CCR3: variants seen among roughly 807,000 people sequenced by gnomAD.
The protein encoded by CCR3 is C-C chemokine receptor type 3.
For synonymous variants in CCR3, 203 were observed against 179.2 expected (o/e 1.13, Z -1.06); for missense variants, 419 against 437.5 (o/e 0.96, Z 0.38).
intron 1 of CCR3, among the ~76,000 whole-genome samples, chr3:46,254,374 G>A (rs1330885507): frequency 2.6e-5 from 4 of 152,144 alleles, no homozygotes; most frequent in African/African-American, 9.7e-5. Context: ...GAACAGTTTG[G>A]GAGTGAGGAG....
rs922162439 is a variant in CCR3 at position 46,226,194 on chromosome 3, T to G, written c.-68+15287T>G. Among the ~76,000 whole-genome samples, 5 of 152,296 alleles carry G rather than the reference T, an allele frequency of 3.3e-5. No homozygotes were observed. The East Asian group carries it at 7.7e-4, about 23-fold the overall frequency. ...ACTTTCCATATAAACTTAAGAATAA[T>G]AAGCTTACAAATGGCTATAAAAATT... On this transcript the variant is annotated intron_variant, in intron 2 of 3. Coordinates refer to the CCR3 transcript ENST00000357422.
At chr3:46,235,605 G>T (rs559745085) in intron 2 of CCR3, among the ~76,000 whole-genome samples, 1 of 152,322 alleles carries the variant, frequency 6.6e-6, no homozygotes, top group African/African-American at 2.4e-5. Context: ...TGTATAGAGT[G>T]CCCTTGACAT....
chr3:46,256,486 G>T (rs1316034752), intron 1 of CCR3, among the ~76,000 whole-genome samples: 1 of 151,954 alleles, frequency 6.6e-6, no homozygotes, highest in Non-Finnish European at 1.5e-5. Context: ...TAATTTAAAA[G>T]ACATTTATTT....
At chr3:46,230,245 C>T (rs1699946702) in intron 2 of CCR3, among the ~76,000 whole-genome samples, 1 of 152,088 alleles carries the variant, frequency 6.6e-6, no homozygotes. Flanking sequence ...AATGAAGTCA[C>T]AATATGCAAG....
At chr3:46,231,529 T>C (rs902410772) in intron 2 of CCR3, among the ~76,000 whole-genome samples, 3 of 152,242 alleles carry the variant, frequency 2.0e-5, no homozygotes, top group Non-Finnish European at 4.4e-5. Flanking sequence ...TTACAGAAGA[T>C]GAATAAGTCC....
At chr3:46,260,687 A>G (rs578216890) in intron 1 of CCR3, among the ~76,000 whole-genome samples, 1 of 152,358 alleles carries the variant, frequency 6.6e-6, no homozygotes, top group Admixed American at 6.5e-5. Flanking sequence ...AGTTCCTGTA[A>G]CACAAATAAC....
At chr3:46,229,141 T>A (rs1318093803) in intron 2 of CCR3, among the ~76,000 whole-genome samples, 1 of 152,142 alleles carries the variant, frequency 6.6e-6, no homozygotes, top group East Asian at 1.9e-4. Context: ...TAGATAGAAG[T>A]GATATGAGCG....
chr3:46,242,647 G>A (rs1186637568), intron 1 of CCR3, 109 bp downstream of exon 1: 1 of 151,990 alleles, frequency 6.6e-6, no homozygotes, highest in African/African-American at 2.4e-5. Flanking sequence ...GGAGAGGAAG[G>A]TACACAGCAA....
intron 2 of CCR3, among the ~76,000 whole-genome samples, chr3:46,213,393 C>T (rs1284473134): frequency 6.6e-6 from 1 of 152,226 alleles, no homozygotes; most frequent in African/African-American, 2.4e-5. Flanking sequence ...TAAGGCATAA[C>T]CTCAGAAGTC....
chr3:46,232,792 C>G (rs1272617561), intron 2 of CCR3, among the ~76,000 whole-genome samples: 1 of 152,234 alleles, frequency 6.6e-6, no homozygotes, highest in African/African-American at 2.4e-5. Flanking sequence ...CGTTCTCACT[C>G]CTGTCTCTTT....
intron 2 of CCR3, among the ~76,000 whole-genome samples, chr3:46,233,014 G>A (rs569022934): frequency 3.9e-5 from 6 of 152,228 alleles, no homozygotes; most frequent in South Asian, 2.1e-4. Flanking sequence ...TGTATTTTTC[G>A]TAGAGACGGG....
chr3:46,223,436 T>G (rs1358922557), intron 2 of CCR3, among the ~76,000 whole-genome samples: 1 of 152,228 alleles, frequency 6.6e-6, no homozygotes, highest in Non-Finnish European at 1.5e-5. Flanking sequence ...GTATTACATC[T>G]TTTCTCTCCA....
intron 2 of CCR3, among the ~76,000 whole-genome samples, chr3:46,216,660 C>T (rs1157963703): frequency 6.6e-6 from 1 of 152,140 alleles, no homozygotes; most frequent in Non-Finnish European, 1.5e-5. Context: ...GCAGAATTCT[C>T]AGCAGAAACC....
chr3:46,265,832 C>A lies in CCR3; in HGVS notation c.674C>A (p.Thr225Lys). 1 of 1,614,022 alleles carries A rather than the reference C, an allele frequency of 6.2e-7. No homozygotes were observed. The change falls in exon 2 of 2, where the codon ACG (threonine) becomes AAG (lysine). Residue 225 changes from threonine to lysine, a missense_variant. Physicochemically the swap from Thr to Lys is moderately conservative, Grantham distance 78. Coordinates refer to ENST00000395940, the MANE Select transcript of CCR3 (RefSeq NM_178329.3). ...MAICYTGIIK[T>K]LLRCPSKKKY... ...ATCTGCTACACAGGAATCATCAAAA[C>A]GCTGCTGAGGTGCCCCAGTAAAAAA... is the stretch of plus-strand genomic sequence containing the variant.
In CCR3 at chr3:46,254,627, C is replaced by T. The variant is rs1013876684; in HGVS notation, c.-11-10521C>T. Among the ~76,000 whole-genome samples, 6 of 145,486 alleles carry T rather than the reference C, an allele frequency of 4.1e-5. No individual in the cohort carries two copies. In the Admixed American group the frequency reaches 4.3e-4, roughly 10 times the overall value. On this transcript the variant is annotated intron_variant, in intron 1 of 1. Coordinates refer to ENST00000395940, the MANE Select transcript of CCR3 (RefSeq NM_178329.3). The stretch of plus-strand genomic sequence containing the variant: ...TGTACTCAATGTGTAGTCTTTTATC[C>T]CTCACTCCCCTCCCATCCTTTCCCC...
At chr3:46,239,589 A>G (rs1700058651), upstream of CCR3, among the ~76,000 whole-genome samples, 3 of 152,202 alleles carry the variant, frequency 2.0e-5, no homozygotes, top group South Asian at 6.2e-4. Flanking sequence ...TGGTGAGAAC[A>G]CAGAGTGCTA....
At chr3:46,242,434 T>C (rs939492460), upstream of CCR3, 1 of 152,362 alleles carries the variant, frequency 6.6e-6, no homozygotes, top group Non-Finnish European at 1.5e-5. Context: ...ACTGGACATA[T>C]CAAGGACTTC....
chr3:46,233,783 C>T lies in CCR3; in HGVS notation c.-67-8619C>T, dbSNP rs577415648. Among the ~76,000 whole-genome samples, 4 of 152,342 alleles carry T rather than the reference C, an allele frequency of 2.6e-5. No homozygotes were observed. The East Asian group carries it at 7.7e-4, about 29-fold the overall frequency. On this transcript the variant is annotated intron_variant, in intron 2 of 3. Coordinates refer to the CCR3 transcript ENST00000357422. Reference sequence around the variant, plus strand: ...TTTCCTTCAGGTTTGATGCCATCCTCACCTTTGGCTGAAGGGCAACAGGCA... The same window carrying T: ...TTTCCTTCAGGTTTGATGCCATCCTTACCTTTGGCTGAAGGGCAACAGGCA...
intron 1 of CCR3, among the ~76,000 whole-genome samples, chr3:46,245,025 T>A (rs557574746): frequency 2.6e-5 from 4 of 152,110 alleles, no homozygotes; most frequent in African/African-American, 4.8e-5. Flanking sequence ...CCAAAATCAT[T>A]TGGCTGGTGG....
Sources: allele counts gnomAD v4.1 joint callset (sites outside exome capture counted in the v4.1 genomes callset), GRCh38; gene constraint gnomAD v4.1.1; transcripts MANE v1.5; gene names NCBI Gene and HGNC (gene_info 2026-07-23, HGNC 2026-07-21).